SPATA31G1: variants seen among roughly 807,000 people sequenced by gnomAD.
The protein encoded by SPATA31G1 is spermatogenesis-associated protein 31G1.
At chr9:35,043,666 C>A in the SPATA31G1 span, 1 of 1,614,222 alleles carries the variant, frequency 6.2e-7, no homozygotes, top group African/African-American at 1.3e-5. Context: ...CCCTGCCAAT[C>A]CCCAGCTTCT....
At chr9:35,042,398 C>T in the SPATA31G1 span, 9 of 1,614,186 alleles carry the variant, frequency 5.6e-6, no homozygotes, top group Admixed American at 3.3e-5. Flanking sequence ...TATTCTTATT[C>T]GTGGTTTGGC....
At chr9:35,043,398 GC>G in the SPATA31G1 span, 1 of 1,614,164 alleles carries the variant, frequency 6.2e-7, no homozygotes, top group Non-Finnish European at 8.5e-7. Flanking sequence ...TACCCATGGG[GC>G]CCATACTATG....
the SPATA31G1 span, chr9:35,044,465 T>C: frequency 6.2e-7 from 1 of 1,614,194 alleles, no homozygotes; most frequent in Non-Finnish European, 8.5e-7. Context: ...AAGACCTGCA[T>C]GGAGCCAGCC....
the SPATA31G1 span, chr9:35,045,681 C>T: frequency 6.2e-7 from 1 of 1,614,206 alleles, no homozygotes. Context: ...TCCCCAGGAT[C>T]AGCCAGAGGC....
chr9:35,044,254 C>T, the SPATA31G1 span: 580 of 1,614,200 alleles, frequency 3.6e-4, 7 homozygotes, highest in South Asian at 6.0e-3. Context: ...TCAGAAGCTA[C>T]ATGGAAGGAT....
chr9:35,043,496 G>A, the SPATA31G1 span: 1 of 1,614,082 alleles, frequency 6.2e-7, no homozygotes, highest in Non-Finnish European at 8.5e-7. Flanking sequence ...TCCATCTGAG[G>A]CCCTTCCCTG....
the SPATA31G1 span, chr9:35,044,132 G>A: frequency 2.5e-6 from 4 of 1,614,156 alleles, no homozygotes; most frequent in Non-Finnish European, 3.4e-6. Flanking sequence ...GGGAGACCAT[G>A]GGGCAGAAAG....
At chr9:35,042,015 T>C in the SPATA31G1 span, 1 of 549,128 alleles carries the variant, frequency 1.8e-6, no homozygotes. Flanking sequence ...AATAAGGCAG[T>C]TCGGTGCTAG....
At chr9:35,041,426 A>G in the SPATA31G1 span, 1 of 207,320 alleles carries the variant, frequency 4.8e-6, no homozygotes, top group African/African-American at 2.4e-5. Context: ...TACATCCTCA[A>G]AACAACCCTG....
the SPATA31G1 span, chr9:35,043,289 G>A: frequency 1.5e-5 from 25 of 1,614,094 alleles, no homozygotes; most frequent in African/African-American, 2.7e-5. Flanking sequence ...CCTCTCCTCT[G>A]AAGTGGTCTG....
chr9:35,043,647 A>G, the SPATA31G1 span: 1 of 1,614,164 alleles, frequency 6.2e-7, no homozygotes, highest in Non-Finnish European at 8.5e-7. Flanking sequence ...TGAGCCTCCG[A>G]TGCCACCCCC....
the SPATA31G1 span, chr9:35,043,937 G>A: frequency 1.8e-5 from 29 of 1,613,820 alleles, no homozygotes; most frequent in Middle Eastern, 3.3e-4. Flanking sequence ...TCAACCCAGA[G>A]CTCTCTGGAA....
the SPATA31G1 span, chr9:35,043,586 A>C: frequency 1.2e-6 from 2 of 1,614,152 alleles, no homozygotes; most frequent in Non-Finnish European, 1.7e-6. Flanking sequence ...TTCTCCCTGG[A>C]TATGAGACTC....
chr9:35,044,411 A>G, the SPATA31G1 span: 9 of 1,613,966 alleles, frequency 5.6e-6, no homozygotes, highest in Admixed American at 1.2e-4. Flanking sequence ...TACAAAAGAC[A>G]AAAAACTCCT....
At chr9:35,042,535 T>C in the SPATA31G1 span, 1 of 1,612,400 alleles carries the variant, frequency 6.2e-7, no homozygotes, top group South Asian at 1.1e-5. Flanking sequence ...TGACACCACA[T>C]GTGAGGTCAT....
chr9:35,045,003 A>C, the SPATA31G1 span: 1 of 1,614,192 alleles, frequency 6.2e-7, no homozygotes, highest in Non-Finnish European at 8.5e-7. Flanking sequence ...ACTCAGGCTG[A>C]AGAAACTGCG....
the SPATA31G1 span, chr9:35,043,286 T>C: frequency 6.2e-7 from 1 of 1,614,192 alleles, no homozygotes; most frequent in South Asian, 1.1e-5. Context: ...GCCCCTCTCC[T>C]CTGAAGTGGT....
chr9:35,042,650 T>C, the SPATA31G1 span: 2 of 1,227,746 alleles, frequency 1.6e-6, no homozygotes, highest in African/African-American at 1.5e-5. Flanking sequence ...CCATGGATTC[T>C]AGATGTAGAA....
At chr9:35,042,592 A>C in the SPATA31G1 span, 16 of 1,519,158 alleles carry the variant, frequency 1.1e-5, no homozygotes, top group East Asian at 3.7e-4. Context: ...CCTAGATGTG[A>C]GGCTGGGTGA....
Sources: gnomAD v4.1 joint callset for allele counts on GRCh38, gnomAD v4.1.1 for gene constraint, MANE v1.5 for transcripts, NCBI Gene and HGNC (gene_info 2026-07-23, HGNC 2026-07-21) for gene names.